The following MEGF6 variants were observed in gnomAD, a reference collection of about 807,000 sequenced individuals.
MEGF6 encodes the protein multiple epidermal growth factor-like domains protein 6.
In MEGF6, 184 loss-of-function variants were observed where a neutral mutation model predicts 207.1. That is an observed-to-expected ratio of 0.89 (90% CI 0.79 to 1.00). The LOEUF (loss-of-function observed/expected upper bound fraction) is 1.00, where lower values mean the gene tolerates loss of function less well. Ranked by LOEUF, MEGF6 falls within the 50% of genes least tolerant of loss-of-function variation. The pLI, the probability that MEGF6 is intolerant of heterozygous loss-of-function variation, is 0.00. For missense variants in MEGF6, 2,282 were observed against 2,202.9 expected, an observed-to-expected ratio of 1.04 and a Z score of -0.72; for synonymous variants, 1,038 against 910.0, an observed-to-expected ratio of 1.14 and a Z score of -2.53.
chr1:3,606,320 A>G lies in MEGF6; in HGVS notation c.132-3720T>C, dbSNP rs1359149542. 3.9e-5 allele frequency among the ~76,000 whole-genome samples: 6 copies of G among 152,176 alleles called. No individual in the cohort carries two copies. In the East Asian group the frequency reaches 1.2e-3, roughly 29 times the overall value. On this transcript the variant is annotated intron_variant, in intron 1 of 36. Coordinates refer to ENST00000356575, the MANE Select transcript of MEGF6 (RefSeq NM_001409.4). The stretch of plus-strand genomic sequence containing the variant: ...GGGCCCAGCATTCCTCGGGGTGGGA[A>G]GGATTGCGTGTGTTTGCCCAAGCCC...
At chr1:3,529,519 TGGGC>T (rs1357816063) in intron 4 of MEGF6, among the ~76,000 whole-genome samples, 1 of 152,220 alleles carries the variant, frequency 6.6e-6, no homozygotes, top group Non-Finnish European at 1.5e-5. Context: ...AAGGAACAGC[TGGGC>T]CAGGATCCTG....
intron 4 of MEGF6, among the ~76,000 whole-genome samples, chr1:3,569,084 C>A (rs1643427176): frequency 6.6e-6 from 1 of 152,202 alleles, no homozygotes; most frequent in Non-Finnish European, 1.5e-5. Context: ...CCAGACACTC[C>A]CAGAGGGAGC....
intron 5 of MEGF6, among the ~76,000 whole-genome samples, chr1:3,519,553 G>A (rs1409077698): frequency 6.6e-6 from 1 of 152,260 alleles, no homozygotes; most frequent in Non-Finnish European, 1.5e-5. Context: ...GCATCACACG[G>A]GTTCAGCTTC....
rs931458935 is a variant in MEGF6 at position 3,514,756 on chromosome 1, C to T, written c.731-84G>A. ...GCCTGCCCCCAGGCTTCTTGTGAGACCCCTCACCCAGTGCTCTCCCCACTC... is the reference window on the plus strand; with the variant it reads ...GCCTGCCCCCAGGCTTCTTGTGAGATCCCTCACCCAGTGCTCTCCCCACTC... On this transcript the variant is annotated intron_variant, in intron 6 of 36. Transcript: ENST00000356575. 4 of 1,406,610 alleles carry T rather than the reference C, an allele frequency of 2.8e-6. No homozygotes were observed. The African/African-American group carries it at 4.3e-5, about 15-fold the overall frequency. 87.1% of individuals were successfully genotyped at this position (1,406,610 alleles called of 1,614,324 possible).
chr1:3,523,352 C>T (rs1326823043), intron 5 of MEGF6, among the ~76,000 whole-genome samples: 1 of 152,154 alleles, frequency 6.6e-6, no homozygotes, highest in Admixed American at 6.5e-5. Flanking sequence ...TTACTCTTCA[C>T]CCCAGATTCC....
At chr1:3,540,262 G>A (rs112179772) in intron 4 of MEGF6, among the ~76,000 whole-genome samples, 5 of 152,196 alleles carry the variant, frequency 3.3e-5, no homozygotes, top group South Asian at 2.1e-4. Context: ...CTTTTCACTC[G>A]CAGCGCCTCG....
At chr1:3,591,374 G>A (rs956149358) in intron 3 of MEGF6, among the ~76,000 whole-genome samples, 11 of 152,120 alleles carry the variant, frequency 7.2e-5, no homozygotes, top group Admixed American at 3.3e-4. Flanking sequence ...CAAGACCAAG[G>A]TGCCCGATCA....
intron 4 of MEGF6, among the ~76,000 whole-genome samples, chr1:3,567,942 C>G (rs936761461): frequency 6.6e-6 from 1 of 152,170 alleles, no homozygotes; most frequent in Non-Finnish European, 1.5e-5. Flanking sequence ...GGCTGCTGCC[C>G]GCCACCCTGG....
At chr1:3,535,385 G>T (rs1330380607) in intron 4 of MEGF6, among the ~76,000 whole-genome samples, 1 of 152,146 alleles carries the variant, frequency 6.6e-6, no homozygotes, top group Non-Finnish European at 1.5e-5. Context: ...CACCCTCAGG[G>T]TCACTCACAT....
At chr1:3,590,698 C>T (rs921277792) in intron 3 of MEGF6, among the ~76,000 whole-genome samples, 1 of 152,128 alleles carries the variant, frequency 6.6e-6, no homozygotes, top group African/African-American at 2.4e-5. Context: ...GGCTGGGGGG[C>T]ATCATCGGCT....
chr1:3,492,142 C>A (rs74820022), intron 35 of MEGF6, among the ~76,000 whole-genome samples: 6,438 of 152,218 alleles, frequency 0.042, 195 homozygotes, highest in Non-Finnish European at 0.066. Context: ...CTGGCACACA[C>A]TGGGTGCCAC....
chr1:3,505,463 C>A lies in MEGF6; in HGVS notation c.2012G>T (p.Cys671Phe). 6.2e-7 allele frequency: 1 copy of A among 1,610,334 alleles called. No individual in the cohort carries two copies. Among genetic ancestry groups the A allele is most frequent in the Non-Finnish European group, 8.5e-7 (1 of 1,179,278 alleles). The change falls in exon 16 of 37, where the codon TGC becomes TTC. Residue 671 changes from cysteine (C) to phenylalanine (F), a missense_variant. Coordinates refer to ENST00000356575, the MANE Select transcript of MEGF6 (RefSeq NM_001409.4). ...TQSCDKRDGS[C>F]SCKAGFRGER... ...GCCCCGGAAGCCAGCCTTGCAGGAG[C>A]AGCTGCCATCCCTCTTGTCACAGGA... is the stretch of plus-strand genomic sequence containing the variant.
Position 3,611,249 on chromosome 1 carries a change from G to T in MEGF6, c.20C>A (p.Ala7Glu), listed in dbSNP as rs748457151. 2.0e-6 allele frequency: 3 copies of T among 1,517,546 alleles called. No homozygotes were observed. The highest frequency in any genetic ancestry group is 5.2e-5 in the East Asian group (2 of 38,574). 94.0% of individuals were successfully genotyped at this position (1,517,546 alleles called of 1,614,324 possible). A position where few individuals can be genotyped will look rare whatever the true frequency, so the allele number is the denominator to read the frequency against. The change falls in exon 1 of 37, where the codon GCG becomes GAG. Residue 7 changes from alanine (A) to glutamate (E), a missense_variant. Ala to Glu is a moderately radical substitution (Grantham distance 107). Transcript: ENST00000356575. ...GACCACCGCGCGCCCCGCTGCCCTCGCCTCTTCAAGGAACGACATCGTGCG... is the reference window on the plus strand; with the variant it reads ...GACCACCGCGCGCCCCGCTGCCCTCTCCTCTTCAAGGAACGACATCGTGCG... The part of the protein sequence containing the change: MSFLEE[A>E]RAAGRAVVLA...
At chr1:3,558,889 C>T (rs899242518) in intron 4 of MEGF6, among the ~76,000 whole-genome samples, 4 of 151,930 alleles carry the variant, frequency 2.6e-5, no homozygotes, top group Admixed American at 1.3e-4. Context: ...ATTGGTTGGG[C>T]ATAATGGGGT....
chr1:3,498,829 G>A lies in MEGF6; in HGVS notation c.3095-3C>T. The A allele has an allele frequency of 1.9e-6, 3 of 1,550,738 alleles. No individual in the cohort carries two copies. Among genetic ancestry groups the A allele is most frequent in the East Asian group, 2.4e-5 (1 of 41,100 alleles). ...GCCGTACAGGCCGGCAGGGCAGGCT[G>A]GGGCCAGGGAAGAGGGAGCAACCTG... On this transcript the variant is annotated splice_region_variant and splice_polypyrimidine_tract_variant and intron_variant, in intron 24 of 36. Transcript: ENST00000356575.
At chr1:3,525,913 G>T (rs1641944146) in intron 4 of MEGF6, among the ~76,000 whole-genome samples, 1 of 152,236 alleles carries the variant, frequency 6.6e-6, no homozygotes, top group African/African-American at 2.4e-5. Flanking sequence ...GAGGCAAACA[G>T]AACAGAGCAG....
intron 18 of MEGF6, 82 bp downstream of exon 18, chr1:3,501,714 G>A: frequency 6.6e-7 from 1 of 1,522,906 alleles, no homozygotes; most frequent in Non-Finnish European, 8.8e-7. Flanking sequence ...CCGCAGGGCT[G>A]GGGCCCCCAC....
chr1:3,522,226 G>A (rs1438631521), intron 5 of MEGF6, among the ~76,000 whole-genome samples: 1 of 152,322 alleles, frequency 6.6e-6, no homozygotes, highest in South Asian at 2.1e-4. Flanking sequence ...GTAGGTGAAC[G>A]CACTTAGGTG....
rs572080001 is a variant in MEGF6, at chr1:3,556,277, G to A, written c.481+23548C>T. Among the ~76,000 whole-genome samples, 21 of 152,338 alleles carry A rather than the reference G, an allele frequency of 1.4e-4. No homozygotes were observed. The highest frequency in any genetic ancestry group is 3.4e-4 in the African/African-American group (14 of 41,570). On this transcript the variant is annotated intron_variant, in intron 4 of 36. Transcript: ENST00000356575. The surrounding 1 kb of genome is among the most constrained non-coding windows in gnomAD (Gnocchi z 4.4). ...TAACCTAGAGCTCTGTGTGAGGCCC[G>A]CAGGCCAGGTCAGAATTAAACTCCA...
Sources: gnomAD v4.1 joint callset for allele counts (sites outside exome capture counted in the v4.1 genomes callset) on GRCh38, gnomAD v4.1.1 for gene constraint, Gnocchi (gnomAD v3.1) non-coding constraint, MANE v1.5 for transcripts, NCBI Gene and HGNC (gene_info 2026-07-23, HGNC 2026-07-21) for gene names.